FHIT: variants seen among roughly 807,000 people sequenced by gnomAD.
FHIT encodes bis(5'-adenosyl)-triphosphatase.
A neutral mutation model predicts 17.9 loss-of-function variants in FHIT; 19 were observed. The observed-to-expected ratio is 1.06, with a 90% CI of 0.74 to 1.56. FHIT has a LOEUF of 1.56. Ranked by LOEUF, FHIT falls within the 40% of genes most tolerant of loss-of-function variation. FHIT has a pLI of 0.00. For synonymous variants in FHIT, 81 were observed against 69.7 expected, an observed-to-expected ratio of 1.16 and a Z score of -0.81; for missense variants, 248 against 189.2, an observed-to-expected ratio of 1.31 and a Z score of -1.82.
chr3:60,019,083 G>T (rs1700453536), intron 5 of FHIT, among the ~76,000 whole-genome samples: 1 of 152,212 alleles, frequency 6.6e-6, no homozygotes, highest in Non-Finnish European at 1.5e-5. Flanking sequence ...TCATGCAACT[G>T]CTTTCAGATG....
intron 5 of FHIT, among the ~76,000 whole-genome samples, chr3:60,160,674 T>C (rs1178890163): frequency 6.6e-6 from 1 of 152,168 alleles, no homozygotes; most frequent in Non-Finnish European, 1.5e-5. Flanking sequence ...AAAAGTGACA[T>C]TACCAGCTGT....
chr3:60,337,301 T>A (rs1258624882), intron 5 of FHIT, among the ~76,000 whole-genome samples: 1 of 152,118 alleles, frequency 6.6e-6, no homozygotes, highest in Non-Finnish European at 1.5e-5. Flanking sequence ...TTAAAACAGT[T>A]AAATAATGGT....
intron 5 of FHIT, among the ~76,000 whole-genome samples, chr3:60,339,727 C>T (rs991084022): frequency 1.6e-4 from 25 of 152,160 alleles, no homozygotes; most frequent in African/African-American, 5.8e-4. Flanking sequence ...TTAACTACAT[C>T]GTGCTTCGGA....
chr3:59,961,287 G>C (rs949243918), intron 7 of FHIT, among the ~76,000 whole-genome samples: 1 of 152,056 alleles, frequency 6.6e-6, no homozygotes, highest in East Asian at 1.9e-4. Flanking sequence ...AACTTCCAGG[G>C]ACATGTAAAT....
intron 5 of FHIT, among the ~76,000 whole-genome samples, chr3:60,122,351 T>C (rs986110629): frequency 1.3e-5 from 2 of 152,174 alleles, no homozygotes; most frequent in African/African-American, 4.8e-5. Flanking sequence ...CAAATTTGTG[T>C]TGAATCCCGG....
chr3:60,510,630 CAG>C (rs1553638143), intron 5 of FHIT, among the ~76,000 whole-genome samples: 59 of 151,766 alleles, frequency 3.9e-4, no homozygotes, highest in African/African-American at 1.4e-3. Context: ...GCTTCCAAGA[CAG>C]AGATGTGAGT....
At chr3:60,611,197 G>A (rs2038774697) in intron 4 of FHIT, among the ~76,000 whole-genome samples, 1 of 152,176 alleles carries the variant, frequency 6.6e-6, no homozygotes, top group African/African-American at 2.4e-5. Flanking sequence ...GGGGTGCCAA[G>A]CATGGGCTAG....
chr3:60,873,899 G>A (rs1553755681), intron 3 of FHIT, among the ~76,000 whole-genome samples: 1 of 152,106 alleles, frequency 6.6e-6, no homozygotes, highest in Non-Finnish European at 1.5e-5. Context: ...AGGGCTTCCC[G>A]CTATGGCATT....
intron 5 of FHIT, among the ~76,000 whole-genome samples, chr3:60,049,382 C>T (rs1016879254): frequency 6.6e-6 from 1 of 152,076 alleles, no homozygotes; most frequent in South Asian, 2.1e-4. Context: ...TTTAATTTAT[C>T]TTTAATTTAA....
At chr3:59,928,964 C>T (rs1158442792) in intron 7 of FHIT, among the ~76,000 whole-genome samples, 1 of 132,614 alleles carries the variant, frequency 7.5e-6, no homozygotes, top group African/African-American at 2.9e-5. Flanking sequence ...CACTGCACTC[C>T]AGCCTGGGCG....
intron 5 of FHIT, among the ~76,000 whole-genome samples, chr3:60,200,202 A>C (rs1221332896): frequency 2.0e-5 from 3 of 152,134 alleles, no homozygotes; most frequent in African/African-American, 4.8e-5. Context: ...GAGACACTGG[A>C]TTGTGGGTGC....
chr3:59,913,695 A>T (rs997125272), intron 8 of FHIT, among the ~76,000 whole-genome samples: 17 of 152,186 alleles, frequency 1.1e-4, no homozygotes, highest in Non-Finnish European at 2.4e-4. Flanking sequence ...AAGACTGCGA[A>T]CTATAGTTGT....
At chr3:60,172,748 G>C (rs1701476576) in intron 5 of FHIT, among the ~76,000 whole-genome samples, 1 of 152,200 alleles carries the variant, frequency 6.6e-6, no homozygotes, top group Non-Finnish European at 1.5e-5. Flanking sequence ...AGGTTGGTGT[G>C]AGATGGGCAG....
At chr3:60,888,085 T>A (rs769686752) in intron 3 of FHIT, among the ~76,000 whole-genome samples, 7 of 152,166 alleles carry the variant, frequency 4.6e-5, no homozygotes, top group Non-Finnish European at 8.8e-5. Flanking sequence ...GGGCTTCTGC[T>A]TCCCAGGTTA....
At chr3:60,929,618 T>G (rs1268710358) in intron 3 of FHIT, among the ~76,000 whole-genome samples, 7 of 152,030 alleles carry the variant, frequency 4.6e-5, no homozygotes, top group African/African-American at 1.7e-4. Flanking sequence ...CACAATTGCT[T>G]CAAAGAGAAT....
intron 7 of FHIT, among the ~76,000 whole-genome samples, chr3:60,010,640 G>C (rs1032453456): frequency 3.3e-5 from 5 of 152,146 alleles, no homozygotes; most frequent in Non-Finnish European, 7.3e-5. Flanking sequence ...TATGACTTAG[G>C]TGCAGAATCT....
chr3:60,130,986 TATATACACA>T (rs1699548991), intron 5 of FHIT, among the ~76,000 whole-genome samples: 1 of 133,818 alleles, frequency 7.5e-6, no homozygotes, highest in African/African-American at 2.9e-5. Context: ...TATATACACA[TATATACACA>T]TATATACATA....
chr3:60,143,302 T>C (rs1700115031), intron 5 of FHIT, among the ~76,000 whole-genome samples: 1 of 152,166 alleles, frequency 6.6e-6, no homozygotes, highest in Non-Finnish European at 1.5e-5. Flanking sequence ...CAAAGCTTGG[T>C]CCTAGGACTT....
intron 3 of FHIT, among the ~76,000 whole-genome samples, chr3:60,974,892 C>T (rs568391189): frequency 2.0e-5 from 3 of 152,140 alleles, no homozygotes; most frequent in Non-Finnish European, 4.4e-5. Flanking sequence ...GTATTATTGG[C>T]ATTTTTCACC....
Sources: allele counts gnomAD v4.1 joint callset (sites outside exome capture counted in the v4.1 genomes callset), GRCh38; gene constraint gnomAD v4.1.1; transcripts MANE v1.5; gene names NCBI Gene and HGNC (gene_info 2026-07-23, HGNC 2026-07-21).